The following GABRB1 variants were observed in gnomAD, a reference collection of about 807,000 sequenced individuals.
GABRB1 encodes gamma-aminobutyric acid type A receptor subunit beta1, also known as gamma-aminobutyric acid receptor subunit beta-1.
Under a neutral mutation model 51.6 loss-of-function variants are expected in GABRB1, and 17 were observed. The observed-to-expected ratio is 0.33, with a 90% CI of 0.23 to 0.49. GABRB1 has a LOEUF of 0.49. Ranked by LOEUF, GABRB1 falls within the 20% of genes least tolerant of loss-of-function variation. GABRB1 has a pLI of 0.99. For synonymous variants in GABRB1, 247 were observed against 218.9 expected (o/e 1.13, Z -1.14); for missense variants, 410 against 600.6 (o/e 0.68, Z 3.32).
chr4:46,996,108 G>T (rs1723987555), intron 1 of GABRB1, among the ~76,000 whole-genome samples: 2 of 147,246 alleles, frequency 1.4e-5, no homozygotes, highest in Non-Finnish European at 3.0e-5. Flanking sequence ...ATTCTGAAAA[G>T]TTATAATTTA....
chr4:47,087,652 AT>A (rs1308696072), intron 3 of GABRB1, among the ~76,000 whole-genome samples: 1 of 151,988 alleles, frequency 6.6e-6, no homozygotes, highest in Non-Finnish European at 1.5e-5. Context: ...ATCCCACATC[AT>A]CCCCTAATAT....
At chr4:47,053,023 G>C (rs1010676848) in intron 3 of GABRB1, among the ~76,000 whole-genome samples, 16 of 152,098 alleles carry the variant, frequency 1.1e-4, no homozygotes, top group African/African-American at 3.4e-4. Context: ...TGTGATTCTT[G>C]GGATGTTTAT....
At chr4:47,376,635 A>C (rs1727391738) in intron 5 of GABRB1, among the ~76,000 whole-genome samples, 4 of 152,344 alleles carry the variant, frequency 2.6e-5, no homozygotes, top group Admixed American at 2.0e-4. Flanking sequence ...CGACTGAGCG[A>C]GACTCCGTCT....
intron 4 of GABRB1, among the ~76,000 whole-genome samples, chr4:47,233,191 T>C (rs1721206689): frequency 6.6e-6 from 1 of 152,044 alleles, no homozygotes; most frequent in African/African-American, 2.4e-5. Context: ...ATCTTTTGTC[T>C]ATGTTTTCAT....
intron 4 of GABRB1, among the ~76,000 whole-genome samples, chr4:47,173,303 G>A (rs1425445457): frequency 6.6e-6 from 1 of 152,056 alleles, no homozygotes; most frequent in Admixed American, 6.5e-5. Context: ...GGATTAATGA[G>A]CCCCTTAAGG....
intron 4 of GABRB1, among the ~76,000 whole-genome samples, chr4:47,197,838 A>G (rs756058717): frequency 2.0e-5 from 3 of 152,280 alleles, no homozygotes; most frequent in Admixed American, 6.5e-5. Context: ...TAATTTTGTA[A>G]GAACACCTGT....
At chr4:47,055,110 C>T (rs1209701091) in intron 3 of GABRB1, among the ~76,000 whole-genome samples, 1 of 152,164 alleles carries the variant, frequency 6.6e-6, no homozygotes, top group Non-Finnish European at 1.5e-5. Context: ...TTCTAAAACT[C>T]ATAAACATTT....
chr4:47,286,498 C>T (rs755913478), intron 4 of GABRB1, among the ~76,000 whole-genome samples: 2 of 152,060 alleles, frequency 1.3e-5, no homozygotes, highest in Non-Finnish European at 2.9e-5. Context: ...CCTGCCCTTC[C>T]TTGACAAGCC....
intron 5 of GABRB1, among the ~76,000 whole-genome samples, chr4:47,347,874 T>C (rs1417787607): frequency 6.6e-6 from 1 of 152,112 alleles, no homozygotes; most frequent in Non-Finnish European, 1.5e-5. Flanking sequence ...AGGGTAAAAA[T>C]GTGTGATGGG....
intron 5 of GABRB1, among the ~76,000 whole-genome samples, chr4:47,391,080 G>T (rs866103553): frequency 6.6e-6 from 1 of 152,152 alleles, no homozygotes; most frequent in African/African-American, 2.4e-5. Context: ...GGAGGCTGAG[G>T]CAGGAGAATT....
chr4:47,312,450 C>G (rs189034438), intron 4 of GABRB1, among the ~76,000 whole-genome samples: 1 of 152,080 alleles, frequency 6.6e-6, no homozygotes, highest in African/African-American at 2.4e-5. Context: ...TTAGTCATAA[C>G]TTAGACTAAC....
At chr4:47,057,324 T>G (rs191930359) in intron 3 of GABRB1, among the ~76,000 whole-genome samples, 4 of 152,236 alleles carry the variant, frequency 2.6e-5, no homozygotes, top group Non-Finnish European at 5.9e-5. Context: ...ATAGCAGACA[T>G]TTGTGAGTTT....
At chr4:47,325,978 C>T (rs1206168390) in intron 5 of GABRB1, among the ~76,000 whole-genome samples, 2 of 152,156 alleles carry the variant, frequency 1.3e-5, no homozygotes, top group Non-Finnish European at 2.9e-5. Context: ...GTAGTCCCCA[C>T]TTATTTACAG....
In GABRB1 at chr4:47,188,616, A is replaced by G. The variant is rs1389316669; in HGVS notation, c.461+27147A>G. 2.0e-5 allele frequency among the ~76,000 whole-genome samples: 3 copies of G among 151,976 alleles called. No homozygotes were observed. The East Asian group carries it at 5.8e-4, about 29-fold the overall frequency. ...TTAGAATAAAAATTTAAAAAAAAAC[A>G]TTCTTTCTATTCCTTCTATGATAAG... On this transcript the variant is annotated intron_variant, in intron 4 of 8. Coordinates refer to ENST00000295454, the MANE Select transcript of GABRB1 (RefSeq NM_000812.4).
chr4:47,209,397 T>C (rs1346648395), intron 4 of GABRB1, among the ~76,000 whole-genome samples: 1 of 152,180 alleles, frequency 6.6e-6, no homozygotes, highest in Non-Finnish European at 1.5e-5. Context: ...ATCTATTAAA[T>C]CTAATTTCAT....
rs145146833 is a variant in GABRB1, at chr4:47,232,544, A to G, written c.461+71075A>G. On this transcript the variant is annotated intron_variant, in intron 4 of 8. Transcript: ENST00000295454. ...CTTTTGATGAGAACTCTAATCTATC[A>G]TCTGAATCTCAAACTTGATTACAGT... Among the ~76,000 whole-genome samples, 11 of 152,302 alleles carry G rather than the reference A, an allele frequency of 7.2e-5. No individual in the cohort carries two copies. The East Asian group carries it at 2.1e-3, about 29-fold the overall frequency.
chr4:47,243,318 C>G (rs1553865248), intron 4 of GABRB1, among the ~76,000 whole-genome samples: 1 of 152,070 alleles, frequency 6.6e-6, no homozygotes, highest in Non-Finnish European at 1.5e-5. Context: ...AGTCAGGTAG[C>G]GTGATGCCTC....
intron 4 of GABRB1, among the ~76,000 whole-genome samples, chr4:47,288,234 G>A (rs1466889949): frequency 2.0e-5 from 3 of 147,264 alleles, no homozygotes; most frequent in Non-Finnish European, 4.5e-5. Context: ...TTGAGAACAG[G>A]GCTTATTACT....
chr4:47,313,387 T>C (rs1296536967), intron 4 of GABRB1, among the ~76,000 whole-genome samples: 7 of 152,216 alleles, frequency 4.6e-5, no homozygotes, highest in Admixed American at 2.6e-4. Context: ...TTTCAATTTA[T>C]AATCAGCCAG....
Sources: allele counts gnomAD v4.1 joint callset (sites outside exome capture counted in the v4.1 genomes callset), GRCh38; gene constraint gnomAD v4.1.1; transcripts MANE v1.5; gene names NCBI Gene and HGNC (gene_info 2026-07-23, HGNC 2026-07-21).